The following BSN variants were observed in gnomAD, a reference collection of about 807,000 sequenced individuals.
BSN encodes the protein bassoon presynaptic cytomatrix protein.
In BSN, 57 loss-of-function variants were observed where a neutral mutation model predicts 264.8. That is an observed-to-expected ratio of 0.22 (90% confidence interval 0.17 to 0.27). BSN has a LOEUF of 0.27. Ranked by LOEUF, BSN falls within the 10% of genes least tolerant of loss-of-function variation. The pLI is 1.00. For synonymous variants in BSN, 2,059 were observed against 2,137.3 expected (o/e 0.96, Z 1.01); for missense variants, 4,615 against 5,232.5 (o/e 0.88, Z 3.64).
intron 1 of BSN, among the ~76,000 whole-genome samples, chr3:49,613,349 A>AGAGAGAGAGAGAGAGAGAGG (rs1253534234): frequency 7.2e-6 from 1 of 139,532 alleles, no homozygotes; most frequent in Non-Finnish European, 1.5e-5. Flanking sequence ...AGAGAGAGAG[A>AGAGAGAGAGAGAGAGAGAGG]AGGGCTGGCC....
Position 49,554,581 on chromosome 3 carries a change from C to A in BSN, c.-22C>A. On this transcript the variant is annotated 5_prime_UTR_variant, in exon 1 of 12. Coordinates refer to ENST00000296452, the MANE Select transcript of BSN (RefSeq NM_003458.4). ...GGCCCGGGCGCAGCGCGACCCCGAC[C>A]CCGCCCGCCCGCCTGCCCGCCATGG... 2.1e-6 allele frequency: 2 copies of A among 949,054 alleles called. No individual in the cohort carries two copies. The highest frequency in any genetic ancestry group is 2.5e-6 in the Non-Finnish European group (2 of 796,918). 58.8% of individuals were successfully genotyped at this position (949,054 alleles called of 1,614,324 possible). A position where few individuals can be genotyped will look rare whatever the true frequency, so the allele number is the denominator to read the frequency against.
At chr3:49,612,078 A>G (rs552536852) in intron 1 of BSN, among the ~76,000 whole-genome samples, 2 of 152,238 alleles carry the variant, frequency 1.3e-5, no homozygotes, top group African/African-American at 4.8e-5. Context: ...CAGAAAAGAA[A>G]ACTTTACCTT....
chr3:49,633,571 T>C (rs1033416689), intron 2 of BSN, among the ~76,000 whole-genome samples: 5 of 152,188 alleles, frequency 3.3e-5, no homozygotes, highest in Non-Finnish European at 7.3e-5. Flanking sequence ...ACAATTCCAC[T>C]TCTGGGTATA....
chr3:49,641,638 C>T (rs2052465331), intron 2 of BSN: 1 of 152,184 alleles, frequency 6.6e-6, no homozygotes, highest in Non-Finnish European at 1.5e-5. Flanking sequence ...ACTTTACCCT[C>T]GCTTATTTTG....
At chr3:49,619,009 C>T (rs1423540475) in intron 1 of BSN, among the ~76,000 whole-genome samples, 1 of 152,246 alleles carries the variant, frequency 6.6e-6, no homozygotes, top group Non-Finnish European at 1.5e-5. Flanking sequence ...TGTGGACCCA[C>T]CTTCCATTGA....
intron 1 of BSN, among the ~76,000 whole-genome samples, chr3:49,567,093 A>G (rs2051757658): frequency 6.6e-6 from 1 of 152,172 alleles, no homozygotes; most frequent in South Asian, 2.1e-4. Context: ...TTGAATCTCC[A>G]TGCTTGATGC....
At chr3:49,665,613 C>G (rs1051014003) in intron 11 of BSN, among the ~76,000 whole-genome samples, 8 of 152,226 alleles carry the variant, frequency 5.3e-5, no homozygotes, top group African/African-American at 1.9e-4. Context: ...CCTGAAGGAC[C>G]TGGTAGTCTG....
chr3:49,650,464 T>C (rs964152590), intron 3 of BSN, 148 bp from the exon 4 acceptor site: 7 of 726,872 alleles, frequency 9.6e-6, no homozygotes, highest in Non-Finnish European at 1.6e-5. Flanking sequence ...GGGCAGTAAA[T>C]TGGTCAGTCT....
rs753088336 is a variant in BSN at position 49,643,092 on chromosome 3, C to T, written c.1458C>T (p.Thr486=). ...GCCCAGCCAACTATAACACATGCAC[C>T]ACCTGCAGGCTCCAGGTGTGCAACC... ...SKSPANYNTC[T]TCRLQVCNLC... is the part of the protein sequence containing the mutation. Residue 486 remains threonine, a synonymous_variant, in exon 3 of 12, where the codon ACC becomes ACT. Transcript: ENST00000296452. The T allele has an allele frequency of 1.9e-6, 3 of 1,613,822 alleles. No individual in the cohort carries two copies. Among genetic ancestry groups the T allele is most frequent in the East Asian group, 4.5e-5 (2 of 44,884 alleles).
chr3:49,647,489 G>C (rs1400907472), intron 3 of BSN, among the ~76,000 whole-genome samples: 2 of 152,206 alleles, frequency 1.3e-5, no homozygotes, highest in African/African-American at 4.8e-5. Flanking sequence ...CTGCCCTTTT[G>C]TCAAAGAGGC....
rs2051651666 is a variant in BSN at position 49,554,789 on chromosome 3, CCCG to C, written c.188_190del (p.Pro63_Gly64delinsArg). The C allele has an allele frequency of 8.2e-7, 1 of 1,223,216 alleles. No individual in the cohort carries two copies. Among genetic ancestry groups the C allele is most frequent in the African/African-American group, 1.6e-5 (1 of 63,936 alleles). The allele number at this position is 1,223,216 out of a possible 1,614,324, so 75.8% of individuals were successfully genotyped here. A position where few individuals can be genotyped will look rare whatever the true frequency, so the allele number is the denominator to read the frequency against. ...GACCGCGGTACCACCGGTCCCTGGC[CCCG>C]GCCCCGGCCCCGGTCCCGGCCCTGG... On this transcript the variant is annotated inframe_deletion, in exon 1 of 12. Coordinates refer to ENST00000296452, the MANE Select transcript of BSN (RefSeq NM_003458.4).
intron 2 of BSN, among the ~76,000 whole-genome samples, chr3:49,629,973 G>A (rs2052372760): frequency 6.6e-6 from 1 of 152,232 alleles, no homozygotes; most frequent in South Asian, 2.1e-4. Context: ...AGCCTACGCA[G>A]TTTCCCAGGG....
rs2052488993 is a variant in BSN at position 49,644,204 on chromosome 3, C to T, written c.1518+1052C>T. 2.6e-5 allele frequency among the ~76,000 whole-genome samples: 4 copies of T among 152,236 alleles called. No individual in the cohort carries two copies. In the South Asian group the frequency reaches 8.3e-4, roughly 31 times the overall value. ...AGATGTTCGAGCCAAGGCCCTGCCT[C>T]TTGCACATGGGGAGCCACCTGAGCC... On this transcript the variant is annotated intron_variant, in intron 3 of 11. Coordinates refer to ENST00000296452, the MANE Select transcript of BSN (RefSeq NM_003458.4).
rs2052626113 is a variant in BSN, at chr3:49,658,102, C to T, written c.8546C>T (p.Ser2849Phe). The T allele has an allele frequency of 6.2e-7, 1 of 1,612,934 alleles. No individual in the cohort carries two copies. The highest frequency in any genetic ancestry group is 8.5e-7 in the Non-Finnish European group (1 of 1,179,868). ...CGCCCCATGAAGACCCTGCAGCGGT[C>T]CCTGTCTGACCCTAAGCCCCTCAGC... ...LPRPMKTLQR[S>F]LSDPKPLSPT... Residue 2849 changes from serine (S) to phenylalanine (F), a missense_variant, in exon 5 of 12, where the codon TCC (serine) becomes TTC (phenylalanine). Transcript: ENST00000296452.
At position 49,642,694 on chromosome 3, in the gene BSN, G is replaced by C; in HGVS notation, c.1060G>C (p.Gly354Arg). ...CCTCACTGGTAAGCTCTTCGGCCTT[G>C]GCGCGTCACTGCTAACCCAGGCGAG... ...EGLTGKLFGL[G>R]ASLLTQASTL... The change falls in exon 3 of 12, where the codon GGC (glycine) becomes CGC (arginine). Residue 354 changes from glycine (G) to arginine (R), a missense_variant. Around this residue, in one of 3 missense-constraint regions of BSN, gnomAD observed 1,197 missense variants for 1,348.0 expected, o/e 0.89. Coordinates refer to ENST00000296452, the MANE Select transcript of BSN (RefSeq NM_003458.4). The surrounding 1 kb of genome is among the most constrained non-coding windows in gnomAD (Gnocchi z 7.0). 1.9e-6 allele frequency: 3 copies of C among 1,613,144 alleles called. No individual in the cohort carries two copies. The African/African-American group carries it at 4.0e-5, about 21-fold the overall frequency.
At chr3:49,573,462 C>A (rs2051814363) in intron 1 of BSN, among the ~76,000 whole-genome samples, 1 of 152,174 alleles carries the variant, frequency 6.6e-6, no homozygotes, top group South Asian at 2.1e-4. Context: ...ATTGCTGGGA[C>A]TGGTTGTTCT....
At chr3:49,584,150 G>A (rs560297077) in intron 1 of BSN, among the ~76,000 whole-genome samples, 5 of 152,198 alleles carry the variant, frequency 3.3e-5, no homozygotes, top group African/African-American at 1.2e-4. Context: ...TTCCCAAAGT[G>A]CTGGGATTAC....
intron 1 of BSN, among the ~76,000 whole-genome samples, chr3:49,621,622 G>A (rs2052306379): frequency 1.3e-5 from 2 of 152,304 alleles, no homozygotes; most frequent in Admixed American, 1.3e-4. Flanking sequence ...ACTGTGACCT[G>A]AGTAATGTCT....
intron 6 of BSN, 36 bp downstream of exon 6, chr3:49,662,598 A>G: frequency 6.5e-7 from 1 of 1,550,264 alleles, no homozygotes; most frequent in South Asian, 1.3e-5. Flanking sequence ...GCGGATACTC[A>G]GCAGCTGGGG....
Sources: allele counts gnomAD v4.1 joint callset (sites outside exome capture counted in the v4.1 genomes callset), GRCh38; gene constraint gnomAD v4.1.1; regional missense constraint gnomAD v4.1.1; non-coding constraint Gnocchi (gnomAD v3.1); transcripts MANE v1.5; gene names NCBI Gene and HGNC (gene_info 2026-07-23, HGNC 2026-07-21).